The following ASTN2 variants were observed in gnomAD, a reference collection of about 807,000 sequenced individuals.
ASTN2 encodes the protein astrotactin-2.
ASTN2 carries 54 observed loss-of-function variants against 139.8 expected under a neutral mutation model. That is an observed-to-expected ratio of 0.39 (90% confidence interval 0.31 to 0.48). The LOEUF (loss-of-function observed/expected upper bound fraction) is 0.48, where lower values mean the gene tolerates loss of function less well. ASTN2 is among the 20% of genes least tolerant of loss of function. The pLI, the probability that ASTN2 is intolerant of heterozygous loss-of-function variation, is 0.95. For synonymous variants in ASTN2, 756 were observed against 719.5 expected (o/e 1.05, Z -0.81); for missense variants, 1,565 against 1,725.1 (o/e 0.91, Z 1.64).
rs1008844480 is a variant in ASTN2, at chr9:116,522,021, T to G, written c.3356-34521A>C. Among the ~76,000 whole-genome samples, 5 of 152,238 alleles carry G rather than the reference T, an allele frequency of 3.3e-5. No homozygotes were observed. The South Asian group carries it at 6.2e-4, about 19-fold the overall frequency. ...AAAAAAAACAAAAAGTAATAGATGT[T>G]GGTATGGATGCAGTGAAAATGAAAC... On this transcript the variant is annotated intron_variant, in intron 19 of 22. Coordinates refer to ENST00000313400, the MANE Select transcript of ASTN2 (RefSeq NM_001365068.1).
At position 117,268,358 on chromosome 9, in the gene ASTN2, T is replaced by A. The variant is rs143312850; in HGVS notation, c.630+22968A>T. 6.4e-3 allele frequency among the ~76,000 whole-genome samples: 976 copies of A among 152,324 alleles called. 10 individuals are homozygous for A. Among genetic ancestry groups the A allele is most frequent in the African/African-American group, 0.022 (918 of 41,574 alleles). On this transcript the variant is annotated intron_variant, in intron 2 of 22. Coordinates refer to ENST00000313400, the MANE Select transcript of ASTN2 (RefSeq NM_001365068.1). Reference sequence around the variant, plus strand: ...CCCTGACCCCAGGGACTTACCAGCATCATCTTCTGGGAAAAAGATCTTAAC... The same window carrying A: ...CCCTGACCCCAGGGACTTACCAGCAACATCTTCTGGGAAAAAGATCTTAAC...
chr9:116,942,109 CA>C (rs1422057802), intron 10 of ASTN2, among the ~76,000 whole-genome samples: 5,328 of 141,888 alleles, frequency 0.038, 224 homozygotes, highest in East Asian at 0.21. Context: ...CACACACACA[CA>C]CACACCACAC....
At chr9:117,219,796 C>T (rs189426570) in intron 2 of ASTN2, among the ~76,000 whole-genome samples, 6 of 152,284 alleles carry the variant, frequency 3.9e-5, no homozygotes, top group African/African-American at 1.4e-4. Context: ...TCTCTCTAGG[C>T]AGGATCAGCC....
At chr9:117,237,624 T>A (rs1833083565) in intron 2 of ASTN2, among the ~76,000 whole-genome samples, 1 of 152,042 alleles carries the variant, frequency 6.6e-6, no homozygotes, top group East Asian at 1.9e-4. Flanking sequence ...GGACTACAGG[T>A]GCATGCCATC....
intron 4 of ASTN2, among the ~76,000 whole-genome samples, chr9:117,123,121 A>G (rs1829600111): frequency 6.6e-6 from 1 of 152,082 alleles, no homozygotes; most frequent in Non-Finnish European, 1.5e-5. Flanking sequence ...CCGTTAAAAC[A>G]CAGATCATCA....
chr9:116,633,471 A>G (rs1432879352), intron 17 of ASTN2, among the ~76,000 whole-genome samples: 1 of 152,182 alleles, frequency 6.6e-6, no homozygotes, highest in East Asian at 1.9e-4. Context: ...CCAAGAGACA[A>G]GACCTGTCTT....
At chr9:116,961,953 T>C (rs1835885358) in intron 10 of ASTN2, among the ~76,000 whole-genome samples, 1 of 152,208 alleles carries the variant, frequency 6.6e-6, no homozygotes, top group Non-Finnish European at 1.5e-5. Flanking sequence ...ACAAGGTAGC[T>C]ACAGTTATTT....
At chr9:116,529,143 A>G (rs1851217065) in intron 19 of ASTN2, among the ~76,000 whole-genome samples, 1 of 152,128 alleles carries the variant, frequency 6.6e-6, no homozygotes, top group Non-Finnish European at 1.5e-5. Flanking sequence ...GCACCTAGAA[A>G]AGCTGCAAGC....
intron 4 of ASTN2, among the ~76,000 whole-genome samples, chr9:117,099,946 G>A (rs114777629): frequency 0.02 from 3,058 of 152,308 alleles, 90 homozygotes; most frequent in African/African-American, 0.066. Flanking sequence ...TACCTGCAAA[G>A]CTTGCTTCGT....
At chr9:116,516,002 T>A (rs1850632339) in intron 19 of ASTN2, among the ~76,000 whole-genome samples, 1 of 152,216 alleles carries the variant, frequency 6.6e-6, no homozygotes, top group Admixed American at 6.5e-5. Flanking sequence ...TCCCAGGTAA[T>A]GCTGTTGGTG....
chr9:116,854,533 G>GGATGGTAGTGGGA (rs1225637761), intron 11 of ASTN2, among the ~76,000 whole-genome samples: 5 of 152,118 alleles, frequency 3.3e-5, no homozygotes, highest in Non-Finnish European at 7.3e-5. Flanking sequence ...CAAAAGTAGG[G>GGATGGTAGTGGGA]GATGGTAGTG....
At chr9:116,989,037 AC>A (rs1262264021) in intron 7 of ASTN2, among the ~76,000 whole-genome samples, 1 of 152,160 alleles carries the variant, frequency 6.6e-6, no homozygotes, top group Non-Finnish European at 1.5e-5. Context: ...CCTGAACAAA[AC>A]CTGAAACAGC....
At chr9:116,434,824 C>T (rs1424271232) in intron 22 of ASTN2, among the ~76,000 whole-genome samples, 3 of 151,968 alleles carry the variant, frequency 2.0e-5, no homozygotes, top group African/African-American at 7.3e-5. Flanking sequence ...AACCTGTGGT[C>T]GTAAGAACCA....
intron 17 of ASTN2, among the ~76,000 whole-genome samples, chr9:116,632,731 C>T (rs898646487): frequency 9.2e-5 from 14 of 152,092 alleles, no homozygotes; most frequent in African/African-American, 3.4e-4. Context: ...TCTTTAAGAC[C>T]CACTGCAACT....
intron 13 of ASTN2, among the ~76,000 whole-genome samples, chr9:116,778,687 T>C (rs1255253672): frequency 1.3e-5 from 2 of 152,214 alleles, no homozygotes; most frequent in Admixed American, 6.5e-5. Flanking sequence ...GTCAAAATTT[T>C]ACTCGACTCA....
chr9:117,295,710 A>G (rs980877553), intron 1 of ASTN2, among the ~76,000 whole-genome samples: 4 of 152,092 alleles, frequency 2.6e-5, no homozygotes, highest in African/African-American at 9.7e-5. Context: ...GAGGGACTAA[A>G]AAATAGAATT....
intron 19 of ASTN2, among the ~76,000 whole-genome samples, chr9:116,561,176 C>T (rs184722942): frequency 1.2e-3 from 188 of 152,214 alleles, no homozygotes; most frequent in African/African-American, 4.3e-3. Context: ...CCCAGATTCC[C>T]TCTTGCCTAA....
At chr9:116,477,889 A>G (rs1295296681) in intron 20 of ASTN2, among the ~76,000 whole-genome samples, 1 of 151,110 alleles carries the variant, frequency 6.6e-6, no homozygotes, top group Non-Finnish European at 1.5e-5. Context: ...AAGAAAAGAA[A>G]AAGACAGAGA....
At chr9:116,743,272 C>T (rs752507008) in intron 13 of ASTN2, among the ~76,000 whole-genome samples, 2 of 152,054 alleles carry the variant, frequency 1.3e-5, no homozygotes, top group East Asian at 3.9e-4. Context: ...AATACTTGGC[C>T]GGGCATGGTG....
Sources: allele counts gnomAD v4.1 joint callset (sites outside exome capture counted in the v4.1 genomes callset), GRCh38; gene constraint gnomAD v4.1.1; transcripts MANE v1.5; gene names NCBI Gene and HGNC (gene_info 2026-07-23, HGNC 2026-07-21).